The following NIBAN1 variants were observed in gnomAD, a reference collection of about 807,000 sequenced individuals.
The protein encoded by NIBAN1 is protein Niban 1.
In NIBAN1, 81 loss-of-function variants were observed where a neutral mutation model predicts 75.1. The observed-to-expected ratio is 1.08, with a 90% CI of 0.90 to 1.30. NIBAN1 has a LOEUF of 1.30. Ranked by LOEUF, NIBAN1 falls within the 50% of genes most tolerant of loss-of-function variation. The probability of loss-of-function intolerance (pLI) is 0.00; values close to 1 mark genes in which losing one functional copy is unlikely to be tolerated. For synonymous variants in NIBAN1, 436 were observed against 424.8 expected, an observed-to-expected ratio of 1.03 and a Z score of -0.32; for missense variants, 1,133 against 1,128.1, an observed-to-expected ratio of 1.00 and a Z score of -0.06.
At chr1:184,798,220 T>G in intron 12 of NIBAN1, 30 bp from the exon 13 acceptor site, 3 of 1,423,898 alleles carry the variant, frequency 2.1e-6, no homozygotes, top group Non-Finnish European at 2.9e-6. Flanking sequence ...AAGATAAAGA[T>G]GAAAAGGCAT....
chr1:184,798,195 A>G lies in NIBAN1; in HGVS notation c.1555-5T>C. 1.3e-6 allele frequency: 2 copies of G among 1,570,886 alleles called. No homozygotes were observed. Among genetic ancestry groups the G allele is most frequent in the Non-Finnish European group, 1.7e-6 (2 of 1,146,678 alleles). On this transcript the variant is annotated splice_polypyrimidine_tract_variant and splice_region_variant and intron_variant, in intron 12 of 13. Transcript: ENST00000367511. Reference sequence around the variant, plus strand: ...CTGCTCGTATTTCTGAAGCTCCTGGAGAGCAAGAGATTAGAAGATAAAGAT... The same window carrying G: ...CTGCTCGTATTTCTGAAGCTCCTGGGGAGCAAGAGATTAGAAGATAAAGAT...
chr1:184,957,661 C>A (rs1447426382), intron 1 of NIBAN1, among the ~76,000 whole-genome samples: 1 of 152,126 alleles, frequency 6.6e-6, no homozygotes, highest in East Asian at 1.9e-4. Flanking sequence ...ACATTTATTA[C>A]ATTATATTAT....
chr1:184,970,000 T>C lies in NIBAN1; in HGVS notation c.55+4302A>G, dbSNP rs1301297909. On this transcript the variant is annotated intron_variant, in intron 1 of 13. Coordinates refer to ENST00000367511, the MANE Select transcript of NIBAN1 (RefSeq NM_052966.4). ...GGGAAACATGGCGAAACCCCGTCTC[T>C]ACAAAAAAATACAAAAAAACTACCT... Among the ~76,000 whole-genome samples the C allele has an allele frequency of 1.3e-5, 2 of 151,486 alleles. 1 individual carries two copies. Among genetic ancestry groups the C allele is most frequent in the Admixed American group, 1.3e-4 (2 of 15,186 alleles).
At chr1:184,874,815 A>G (rs1656192105) in intron 5 of NIBAN1, among the ~76,000 whole-genome samples, 1 of 152,152 alleles carries the variant, frequency 6.6e-6, no homozygotes, top group Non-Finnish European at 1.5e-5. Flanking sequence ...AAAAGTAAGG[A>G]TATAGATTTG....
chr1:184,895,603 C>T (rs1656777947), intron 2 of NIBAN1, among the ~76,000 whole-genome samples: 4 of 152,164 alleles, frequency 2.6e-5, no homozygotes, highest in South Asian at 4.1e-4. Context: ...ACGTGTGTTT[C>T]TTACATGGGT....
At chr1:184,881,924 C>A (rs754993401) in intron 5 of NIBAN1, among the ~76,000 whole-genome samples, 4 of 152,174 alleles carry the variant, frequency 2.6e-5, no homozygotes, top group African/African-American at 4.8e-5. Flanking sequence ...CATCCTGTGA[C>A]TTAGAATGCC....
intron 1 of NIBAN1, among the ~76,000 whole-genome samples, chr1:184,903,687 G>A (rs1269911207): frequency 1.3e-5 from 2 of 148,518 alleles, no homozygotes; most frequent in African/African-American, 5.0e-5. Flanking sequence ...CCAGCATTAT[G>A]CTTCCTGTAC....
rs746527483 is a variant in NIBAN1, at chr1:184,791,095, G to C, written c.*3882C>G. 2.1e-6 allele frequency: 1 copy of C among 468,024 alleles called. No homozygotes were observed. Among genetic ancestry groups the C allele is most frequent in the South Asian group, 1.6e-5 (1 of 63,858 alleles). 29.0% of individuals were successfully genotyped at this position (468,024 alleles called of 1,614,324 possible). A position where few individuals can be genotyped will look rare whatever the true frequency, so the allele number is the denominator to read the frequency against. ...CAGAGTAAATACATGGTTACAAAGT[G>C]TTTTAAGTTTATTTGCTTTATATAG... On this transcript the variant is annotated 3_prime_UTR_variant, in exon 14 of 14. Coordinates refer to ENST00000367511, the MANE Select transcript of NIBAN1 (RefSeq NM_052966.4).
intron 1 of NIBAN1, among the ~76,000 whole-genome samples, chr1:184,955,837 G>A (rs1004578222): frequency 6.8e-6 from 1 of 146,962 alleles, no homozygotes; most frequent in African/African-American, 2.7e-5. Context: ...GGTGTGTCAT[G>A]TAGAGATGAG....
chr1:184,957,255 C>T (rs1658514480), intron 1 of NIBAN1, among the ~76,000 whole-genome samples: 1 of 152,186 alleles, frequency 6.6e-6, no homozygotes, highest in Admixed American at 6.5e-5. Context: ...TTGTCCTTCC[C>T]TGGTTTGAGG....
chr1:184,806,026 G>A lies in NIBAN1; in HGVS notation c.1366C>T (p.Gln456Ter). ...LMENAVFTFEQLLSPHLQGEA... is the reference protein window; with the variant it reads ...LMENAVFTFE ...CCTTGGAGATGTGGGGAAAGCAACTGCTCAAAAGTGAACACTGCATTCTCC... is the reference window on the plus strand; with the variant it reads ...CCTTGGAGATGTGGGGAAAGCAACTACTCAAAAGTGAACACTGCATTCTCC... Residue 456 changes from glutamine (Q) to a stop codon, truncating the protein, a stop_gained, in exon 11 of 14, where the codon CAG (glutamine) becomes TAG (stop). Coordinates refer to ENST00000367511, the MANE Select transcript of NIBAN1 (RefSeq NM_052966.4). LOFTEE classifies it high-confidence loss of function. 1 of 1,614,122 alleles carries A rather than the reference G, an allele frequency of 6.2e-7. No homozygotes were observed. Among genetic ancestry groups the A allele is most frequent in the South Asian group, 1.1e-5 (1 of 91,090 alleles).
chr1:184,857,825 T>C (rs543633825), intron 5 of NIBAN1, among the ~76,000 whole-genome samples: 1 of 152,170 alleles, frequency 6.6e-6, no homozygotes, highest in African/African-American at 2.4e-5. Context: ...ATTTAATAAA[T>C]GGTGCTGGCG....
At chr1:184,974,169 G>A in intron 1 of NIBAN1, 133 bp downstream of exon 1, 1 of 931,086 alleles carries the variant, frequency 1.1e-6, no homozygotes, top group South Asian at 3.1e-5. Flanking sequence ...ACTCGCGCGG[G>A]CGGGCTGCGG....
chr1:184,956,983 A>T (rs1367808616), intron 1 of NIBAN1, among the ~76,000 whole-genome samples: 1 of 152,240 alleles, frequency 6.6e-6, no homozygotes, highest in Non-Finnish European at 1.5e-5. Context: ...GGCCACTGCC[A>T]CTGGTTAACA....
chr1:184,891,605 T>C (rs1377546586), intron 3 of NIBAN1, among the ~76,000 whole-genome samples: 1 of 152,202 alleles, frequency 6.6e-6, no homozygotes, highest in Non-Finnish European at 1.5e-5. Flanking sequence ...TCAAAGAGAC[T>C]GAATAACTTG....
At chr1:184,921,005 T>A (rs1311416106) in intron 1 of NIBAN1, among the ~76,000 whole-genome samples, 1 of 151,850 alleles carries the variant, frequency 6.6e-6, no homozygotes, top group African/African-American at 2.4e-5. Context: ...GGCAGGCGCC[T>A]GTAGTCCCAG....
chr1:184,912,230 C>A (rs773242294), intron 1 of NIBAN1, among the ~76,000 whole-genome samples: 4 of 151,966 alleles, frequency 2.6e-5, no homozygotes, highest in Non-Finnish European at 4.4e-5. Context: ...ATTTATAATT[C>A]TAACATATAG....
intron 5 of NIBAN1, among the ~76,000 whole-genome samples, chr1:184,836,044 TTCC>T (rs759409456): frequency 6.6e-6 from 1 of 152,226 alleles, no homozygotes; most frequent in African/African-American, 2.4e-5. Flanking sequence ...GAAGTATTTT[TTCC>T]TCATTATTTT....
At chr1:184,823,561 ACAAATGC>A in intron 7 of NIBAN1, 70 bp downstream of exon 7, 8 of 1,505,718 alleles carry the variant, frequency 5.3e-6, no homozygotes, top group Non-Finnish European at 7.4e-6. Context: ...AACAACAACA[ACAAATGC>A]CCTAAAAGAA....
Sources: gnomAD v4.1 joint callset for allele counts (sites outside exome capture counted in the v4.1 genomes callset) on GRCh38, gnomAD v4.1.1 for gene constraint, MANE v1.5 for transcripts, NCBI Gene and HGNC (gene_info 2026-07-23, HGNC 2026-07-21) for gene names.